The following ALKBH8 variants were observed in gnomAD, a reference collection of about 807,000 sequenced individuals.
The protein encoded by ALKBH8 is tRNA (carboxymethyluridine(34)-5-O)-methyltransferase ALKBH8.
A neutral mutation model predicts 59.8 loss-of-function variants in ALKBH8; 36 were observed. The ratio of observed to expected loss-of-function variants is 0.60; its 90% CI spans 0.46 to 0.79. ALKBH8 has a LOEUF of 0.79. ALKBH8 is among the 30% of genes least tolerant of loss of function. The probability of loss-of-function intolerance (pLI) is 0.00; values close to 1 mark genes in which losing one functional copy is unlikely to be tolerated. For missense variants in ALKBH8, 768 were observed against 801.0 expected (o/e 0.96, Z 0.50); for synonymous variants, 276 against 273.6 (o/e 1.01, Z -0.09).
intron 7 of ALKBH8, among the ~76,000 whole-genome samples, chr11:107,543,229 T>G (rs632902): frequency 2.6e-5 from 4 of 151,764 alleles, no homozygotes; most frequent in Admixed American, 6.6e-5. Flanking sequence ...CCCAGCTGCT[T>G]GGAAGGCTGA....
chr11:107,550,754 T>G (rs1215771732), intron 6 of ALKBH8, among the ~76,000 whole-genome samples: 2 of 152,148 alleles, frequency 1.3e-5, no homozygotes, highest in East Asian at 1.9e-4. Flanking sequence ...AAAGACGTCA[T>G]AAGTGTGGGG....
intron 11 of ALKBH8, 122 bp from the exon 12 acceptor site, chr11:107,505,337 T>A: frequency 1.3e-6 from 1 of 749,884 alleles, no homozygotes; most frequent in Non-Finnish European, 2.0e-6. Flanking sequence ...AAATATCTTA[T>A]GTAAAACAAA....
chr11:107,550,030 G>T (rs1462423823), intron 6 of ALKBH8, among the ~76,000 whole-genome samples: 4 of 152,212 alleles, frequency 2.6e-5, no homozygotes, highest in African/African-American at 9.6e-5. Flanking sequence ...TCAAGTTAAA[G>T]TGCCATTGGG....
intron 1 of ALKBH8, 81 bp downstream of exon 1, chr11:107,565,520 G>A: frequency 6.5e-7 from 1 of 1,530,260 alleles, no homozygotes; most frequent in African/African-American, 1.4e-5. Context: ...TGGCAAGGCG[G>A]ATAGAGAAGA....
At position 107,551,883 on chromosome 11, in the gene ALKBH8, C is replaced by T. The variant is rs1340002141; in HGVS notation, c.625G>A (p.Glu209Lys). ...GLPDICESFL[E>K]KWLRKGYIKH... Reference sequence around the variant, plus strand: ...ATGTAACCTTTCCTCAACCATTTCTCCAAAAAGCTTTCACAAATGTCAGGA... The same window carrying T: ...ATGTAACCTTTCCTCAACCATTTCTTCAAAAAGCTTTCACAAATGTCAGGA... Residue 209 changes from glutamate (E) to lysine (K), a missense_variant, in exon 6 of 12, where the codon GAG becomes AAG. Transcript: ENST00000428149. 1.9e-6 allele frequency: 3 copies of T among 1,543,270 alleles called. No homozygotes were observed. The highest frequency in any genetic ancestry group is 2.6e-6 in the Non-Finnish European group (3 of 1,150,340).
intron 8 of ALKBH8, among the ~76,000 whole-genome samples, chr11:107,528,650 T>C (rs552842550): frequency 2.0e-4 from 30 of 152,280 alleles, no homozygotes; most frequent in African/African-American, 5.8e-4. Context: ...TTGCCTAAAG[T>C]TACACTTTAA....
chr11:107,556,773 C>A lies in ALKBH8; in HGVS notation c.360G>T (p.Val120=). The A allele has an allele frequency of 1.5e-6, 2 of 1,355,220 alleles. No homozygotes were observed. The highest frequency in any genetic ancestry group is 1.9e-6 in the Non-Finnish European group (2 of 1,043,462). 83.9% of individuals were successfully genotyped at this position (1,355,220 alleles called of 1,614,324 possible). The part of the protein sequence containing the change: ...GQKITLYLNF[V]EKVQWKELRP... ...ATAATTGTATGATAATACCTTTTTC[C>A]ACAAAATTCAAATACAGAGTGATCT... Residue 120 remains valine, a synonymous_variant, in exon 3 of 12, where the codon GTG becomes GTT. Transcript: ENST00000428149.
At chr11:107,528,825 AAC>A (rs1456483642) in intron 8 of ALKBH8, among the ~76,000 whole-genome samples, 7 of 152,322 alleles carry the variant, frequency 4.6e-5, no homozygotes, top group Middle Eastern at 6.8e-3. Flanking sequence ...AGAATATAAA[AAC>A]AGTTTTATAG....
chr11:107,561,857 T>C (rs902843767), intron 1 of ALKBH8, among the ~76,000 whole-genome samples: 2 of 152,228 alleles, frequency 1.3e-5, no homozygotes, highest in African/African-American at 4.8e-5. Context: ...CCCTGCAGCA[T>C]GCAACCATAA....
intron 1 of ALKBH8, among the ~76,000 whole-genome samples, chr11:107,561,463 A>G (rs938217340): frequency 6.6e-6 from 1 of 152,164 alleles, no homozygotes; most frequent in Non-Finnish European, 1.5e-5. Context: ...GGAAATTAAC[A>G]TGAAAGTGAC....
At chr11:107,562,126 T>C (rs1473388145) in intron 1 of ALKBH8, among the ~76,000 whole-genome samples, 1 of 151,990 alleles carries the variant, frequency 6.6e-6, no homozygotes, top group Non-Finnish European at 1.5e-5. Flanking sequence ...GGTGAAACTC[T>C]GTCTCTACTA....
At chr11:107,561,572 C>T (rs76263308) in intron 1 of ALKBH8, among the ~76,000 whole-genome samples, 1 of 152,160 alleles carries the variant, frequency 6.6e-6, no homozygotes, top group Non-Finnish European at 1.5e-5. Flanking sequence ...TTTATATCTA[C>T]AATTTTTTAA....
intron 9 of ALKBH8, among the ~76,000 whole-genome samples, chr11:107,523,497 A>G (rs988897916): frequency 6.6e-5 from 10 of 152,138 alleles, no homozygotes; most frequent in Non-Finnish European, 1.3e-4. Flanking sequence ...GAAAGGATAC[A>G]AAATTTCAGT....
chr11:107,549,675 AAG>A (rs1260174805), intron 7 of ALKBH8, 76 bp downstream of exon 7: 1 of 1,016,094 alleles, frequency 9.8e-7, no homozygotes, highest in Non-Finnish European at 1.4e-6. Context: ...CATTTTCATT[AAG>A]AATGTGGATA....
chr11:107,510,180 T>C (rs185193267), intron 11 of ALKBH8, among the ~76,000 whole-genome samples: 12 of 152,222 alleles, frequency 7.9e-5, no homozygotes, highest in African/African-American at 2.6e-4. Flanking sequence ...TTGAACTCAG[T>C]TAAGGTCATA....
intron 4 of ALKBH8, 46 bp from the exon 5 acceptor site, chr11:107,553,249 C>T (rs768012165): frequency 2.7e-5 from 33 of 1,243,430 alleles, no homozygotes; most frequent in African/African-American, 2.2e-4. Flanking sequence ...AAAAGAATTA[C>T]ATTCCTTTGC....
chr11:107,556,494 G>A (rs1372293702), intron 3 of ALKBH8, among the ~76,000 whole-genome samples: 1 of 152,086 alleles, frequency 6.6e-6, no homozygotes, highest in Non-Finnish European at 1.5e-5. Flanking sequence ...TAGGCAGGAG[G>A]GTTCCAAAAT....
intron 2 of ALKBH8, among the ~76,000 whole-genome samples, chr11:107,559,545 G>C (rs1454683608): frequency 2.0e-5 from 3 of 151,988 alleles, no homozygotes; most frequent in Non-Finnish European, 2.9e-5. Flanking sequence ...AACCCTGTAA[G>C]GAAAGGAACA....
intron 10 of ALKBH8, 142 bp downstream of exon 10, chr11:107,522,157 T>TA (rs974611894): frequency 2.9e-5 from 31 of 1,067,884 alleles, no homozygotes; most frequent in Non-Finnish European, 3.7e-5. Flanking sequence ...TAAGAAAGAA[T>TA]AAAAAAAATC....
Sources: allele counts gnomAD v4.1 joint callset (sites outside exome capture counted in the v4.1 genomes callset), GRCh38; gene constraint gnomAD v4.1.1; transcripts MANE v1.5; gene names NCBI Gene and HGNC (gene_info 2026-07-23, HGNC 2026-07-21).